SSR1: variants seen among roughly 807,000 people sequenced by gnomAD.
SSR1 encodes the protein translocon-associated protein subunit alpha.
A neutral mutation model predicts 36.1 loss-of-function variants in SSR1; 13 were observed. That is an observed-to-expected ratio of 0.36 (90% confidence interval 0.23 to 0.57). SSR1 has a LOEUF of 0.57. SSR1 is among the 20% of genes least tolerant of loss of function. The pLI, the probability that SSR1 is intolerant of heterozygous loss-of-function variation, is 0.81. For missense variants in SSR1, 291 were observed against 338.5 expected (o/e 0.86, Z 1.10); for synonymous variants, 113 against 118.9 (o/e 0.95, Z 0.32).
chr6:7,294,959 A>T, intron 7 of SSR1: 1 of 718,282 alleles, frequency 1.4e-6, no homozygotes, highest in Non-Finnish European at 2.1e-6. Flanking sequence ...TATACTGGGT[A>T]GTTTTTCTAA....
chr6:7,284,941 A>G lies in SSR1; in HGVS notation c.*4923T>C, dbSNP rs1160265912. 1 of 152,144 alleles carries G rather than the reference A, an allele frequency of 6.6e-6. No individual in the cohort carries two copies. The highest frequency in any genetic ancestry group is 1.5e-5 in the Non-Finnish European group (1 of 68,018). The allele number at this position is 152,144 out of a possible 1,614,324, so 9.4% of individuals were successfully genotyped here. On this transcript the variant is annotated 3_prime_UTR_variant, in exon 8 of 8. Coordinates refer to ENST00000244763, the MANE Select transcript of SSR1 (RefSeq NM_003144.5). ...AAGACCCAGAGGTCTCCTAATTCCC[A>G]CGCTAGCACACCATACCACCCCTTT... is the stretch of plus-strand genomic sequence containing the variant.
Position 7,303,587 on chromosome 6 carries a change from C to T in SSR1, c.243G>A (p.Pro81=), listed in dbSNP as rs373548171. The T allele has an allele frequency of 5.8e-5, 93 of 1,613,308 alleles. No individual in the cohort carries two copies. Among genetic ancestry groups the T allele is most frequent in the Non-Finnish European group, 7.6e-5 (90 of 1,179,784 alleles). ...CAAACAGTATAGTTGTATCTGCACT[C>T]GGTGAAGCTTCAGGTTCACCAGACA... ...EDVSGEPEAS[P]SADTTILFVK... is the part of the protein sequence containing the mutation. Residue 81 remains proline, a synonymous_variant, in exon 3 of 8, where the codon CCG becomes CCA. Transcript: ENST00000244763.
At chr6:7,290,233 C>G (rs576805301) in intron 7 of SSR1, among the ~76,000 whole-genome samples, 1 of 152,298 alleles carries the variant, frequency 6.6e-6, no homozygotes, top group East Asian at 1.9e-4. Context: ...ATAACTTAAC[C>G]AAGTTTATAC....
At chr6:7,310,144 T>A (rs768119660) in intron 1 of SSR1, 115 bp from the exon 2 acceptor site, 15 of 678,270 alleles carry the variant, frequency 2.2e-5, no homozygotes, top group Non-Finnish European at 2.8e-5. Context: ...ATCTCCCAGT[T>A]CACCTGAATG....
chr6:7,297,130 G>A (rs1757815105), intron 6 of SSR1: 1 of 343,276 alleles, frequency 2.9e-6, no homozygotes, highest in Non-Finnish European at 5.8e-6. Flanking sequence ...TGAGGTGGGA[G>A]GATGACTTGA....
At position 7,289,783 on chromosome 6, in the gene SSR1, G is replaced by T; in HGVS notation, c.*81C>A. 7.8e-7 allele frequency: 1 copy of T among 1,284,868 alleles called. No homozygotes were observed. The allele number at this position is 1,284,868 out of a possible 1,614,324, so 79.6% of individuals were successfully genotyped here. A position where few individuals can be genotyped will look rare whatever the true frequency, so the allele number is the denominator to read the frequency against. On this transcript the variant is annotated 3_prime_UTR_variant, in exon 8 of 8. Transcript: ENST00000244763. ...AGGAGTTGCCTTCTATGGTGACATGGCTTCTCTGCACTAATTCCCATCAGG... is the reference window on the plus strand; with the variant it reads ...AGGAGTTGCCTTCTATGGTGACATGTCTTCTCTGCACTAATTCCCATCAGG...
intron 6 of SSR1, among the ~76,000 whole-genome samples, chr6:7,296,350 A>G (rs1335923802): frequency 1.3e-5 from 2 of 152,252 alleles, no homozygotes; most frequent in East Asian, 3.8e-4. Flanking sequence ...AGATGCAGTT[A>G]TACCTAATAT....
Position 7,306,878 on chromosome 6 carries a change from C to T in SSR1, c.192+3039G>A, listed in dbSNP as rs550922992. Among the ~76,000 whole-genome samples the T allele has an allele frequency of 1.5e-3, 215 of 139,756 alleles. 1 individual carries two copies. Among genetic ancestry groups the T allele is most frequent in the African/African-American group, 5.6e-3 (199 of 35,850 alleles). 91.7% of individuals were successfully genotyped at this position (139,756 alleles called of 152,430 possible). ...TTGCAGTGAGCGGAGATCCACGCCA[C>T]TGCACTCCAGCCTGGGCGACAGAGC... On this transcript the variant is annotated intron_variant, in intron 2 of 7. Coordinates refer to ENST00000244763, the MANE Select transcript of SSR1 (RefSeq NM_003144.5).
intron 7 of SSR1, among the ~76,000 whole-genome samples, chr6:7,294,762 T>C (rs1035021028): frequency 3.9e-5 from 6 of 152,158 alleles, no homozygotes; most frequent in Non-Finnish European, 8.8e-5. Flanking sequence ...TTCACTTCTG[T>C]ACTATTTAAT....
intron 3 of SSR1, among the ~76,000 whole-genome samples, chr6:7,302,486 C>A (rs927443274): frequency 1.3e-5 from 2 of 152,304 alleles, no homozygotes; most frequent in East Asian, 1.9e-4. Flanking sequence ...TAGGCACTGG[C>A]CGGGTGTGGT....
chr6:7,289,991 ATGTT>A, intron 7 of SSR1, 60 bp from the exon 8 acceptor site: 1 of 1,419,384 alleles, frequency 7.0e-7, no homozygotes, highest in Non-Finnish European at 9.4e-7. Context: ...TTCAAAAGAC[ATGTT>A]AAAAAGTATT....
chr6:7,301,721 C>T (rs994819728), intron 3 of SSR1, 149 bp from the exon 4 acceptor site: 27 of 816,816 alleles, frequency 3.3e-5, no homozygotes, highest in African/African-American at 3.5e-5. Flanking sequence ...CACCTACTAA[C>T]GAGAAATTGG....
intron 2 of SSR1, among the ~76,000 whole-genome samples, chr6:7,304,261 T>C (rs1333880450): frequency 1.3e-5 from 2 of 152,220 alleles, no homozygotes; most frequent in African/African-American, 4.8e-5. Context: ...TGGTAAACTT[T>C]TTCTGTAAAT....
rs1373217939 is a variant in SSR1, at chr6:7,283,077, TATTA to T, written c.*6783_*6786del. 1 of 152,178 alleles carries T rather than the reference TATTA, an allele frequency of 6.6e-6. No individual in the cohort carries two copies. Among genetic ancestry groups the T allele is most frequent in the Non-Finnish European group, 1.5e-5 (1 of 68,046 alleles). The allele number at this position is 152,178 out of a possible 1,614,324, so 9.4% of individuals were successfully genotyped here. On this transcript the variant is annotated 3_prime_UTR_variant, in exon 8 of 8. Transcript: ENST00000244763. ...TTTTTAATTGTTAGTAGCTTTTACT[TATTA>T]TTTATGTACTTATTTTTTGAGACAG...
chr6:7,313,053 C>T lies in SSR1; in HGVS notation c.68G>A (p.Gly23Asp). Residue 23 changes from glycine (G) to aspartate (D), a missense_variant, in exon 1 of 8, where the codon GGC becomes GAC. Coordinates refer to ENST00000244763, the MANE Select transcript of SSR1 (RefSeq NM_003144.5). Reference protein sequence around the residue: ...LVFPATVLFRGGPRGLLAVAQ... With the variant: ...LVFPATVLFRDGPRGLLAVAQ... ...TCCCCCAGCCTCACCTCTGGGGCCG[C>T]CTCGGAACAAGACAGTGGCAGGGAA... 6.2e-7 allele frequency: 1 copy of T among 1,606,596 alleles called. No individual in the cohort carries two copies. Among genetic ancestry groups the T allele is most frequent in the Non-Finnish European group, 8.5e-7 (1 of 1,176,518 alleles).
At chr6:7,308,034 A>C (rs1488540871) in intron 2 of SSR1, among the ~76,000 whole-genome samples, 1 of 152,256 alleles carries the variant, frequency 6.6e-6, no homozygotes, top group Non-Finnish European at 1.5e-5. Flanking sequence ...ACAACTAGTC[A>C]AATATTTATT....
In SSR1 at chr6:7,297,928, T is replaced by C. The variant is rs1236490814; in HGVS notation, c.694A>G (p.Arg232Gly). The C allele has an allele frequency of 2.5e-6, 4 of 1,612,742 alleles. No homozygotes were observed. Among genetic ancestry groups the C allele is most frequent in the East Asian group, 2.2e-5 (1 of 44,814 alleles). Reference sequence around the variant, plus strand: ...AGGTGTTCATCCATAATTACCTTTCTAGATTCTAGGAGTTGATGAAGGCCA... The same window carrying C: ...AGGTGTTCATCCATAATTACCTTTCCAGATTCTAGGAGTTGATGAAGGCCA... ...IVGLHQLLES[R>G]KRKRPIQKVE... Residue 232 changes from arginine (R) to glycine (G), a missense_variant, in exon 6 of 8, where the codon AGA becomes GGA. By Grantham distance (125) the Arg-to-Gly change is moderately radical (BLOSUM62 -2). Transcript: ENST00000244763.
intron 7 of SSR1, among the ~76,000 whole-genome samples, chr6:7,290,653 T>TATTGCATTCATTGA (rs1456090967): frequency 6.6e-6 from 1 of 152,208 alleles, no homozygotes; most frequent in Non-Finnish European, 1.5e-5. Flanking sequence ...TTTTGATTGA[T>TATTGCATTCATTGA]TTTGCATTCA....
At chr6:7,303,673 G>A (rs774493398) in intron 2 of SSR1, 36 bp from the exon 3 acceptor site, 23 of 1,462,254 alleles carry the variant, frequency 1.6e-5, no homozygotes, top group Admixed American at 1.9e-5. Flanking sequence ...GATTACTATG[G>A]GAGAAAAAAA....
Sources: gnomAD v4.1 joint callset for allele counts (sites outside exome capture counted in the v4.1 genomes callset) on GRCh38, gnomAD v4.1.1 for gene constraint, MANE v1.5 for transcripts, NCBI Gene and HGNC (gene_info 2026-07-23, HGNC 2026-07-21) for gene names.